MS4A3: variants seen among roughly 807,000 people sequenced by gnomAD.
The protein encoded by MS4A3 is membrane spanning 4-domains A3, also known as membrane-spanning 4-domains subfamily A member 3.
Under a neutral mutation model 24.7 loss-of-function variants are expected in MS4A3, and 18 were observed. The observed-to-expected ratio is 0.73, with a 90% CI of 0.50 to 1.08. The LOEUF (loss-of-function observed/expected upper bound fraction) is 1.08, where lower values mean the gene tolerates loss of function less well. Ranked by LOEUF, MS4A3 falls within the 50% of genes least tolerant of loss-of-function variation. The probability of loss-of-function intolerance (pLI) is 0.00; values close to 1 mark genes in which losing one functional copy is unlikely to be tolerated. For missense variants in MS4A3, 282 were observed against 251.7 expected (o/e 1.12, Z -0.82); for synonymous variants, 84 against 95.3 (o/e 0.88, Z 0.69).
Position 60,066,941 on chromosome 11 carries a change from T to A in MS4A3, c.352-10T>A, listed in dbSNP as rs1565064296. The A allele has an allele frequency of 6.4e-7, 1 of 1,572,792 alleles. No individual in the cohort carries two copies. The highest frequency in any genetic ancestry group is 8.6e-7 in the Non-Finnish European group (1 of 1,167,288). On this transcript the variant is annotated splice_polypyrimidine_tract_variant and intron_variant, in intron 4 of 6. Coordinates refer to ENST00000278865, the MANE Select transcript of MS4A3 (RefSeq NM_006138.5). ...GCATATATTAATTGAAAATTCTTAT[T>A]CTTTTTTAGATACAGAACAGTTTTG...
At chr11:60,057,261 C>G (rs1397088812) in intron 1 of MS4A3, among the ~76,000 whole-genome samples, 1 of 152,164 alleles carries the variant, frequency 6.6e-6, no homozygotes, top group East Asian at 1.9e-4. Context: ...GCAGTAGTAC[C>G]CATTCATCTG....
At position 60,068,274 on chromosome 11, in the gene MS4A3, C is replaced by T. The variant is rs1373985209; in HGVS notation, c.513+1162C>T. Among the ~76,000 whole-genome samples the T allele has an allele frequency of 3.7e-3, 463 of 125,446 alleles. 2 individuals are homozygous for T. The highest frequency in any genetic ancestry group is 0.013 in the African/African-American group (433 of 34,280). The allele number at this position is 125,446 out of a possible 152,430, so 82.3% of individuals were successfully genotyped here. The stretch of plus-strand genomic sequence containing the variant: ...TTTTTTTTTGAGACGGAGTCTTGCT[C>T]TGTCACCCAGGCTGGAGTGCAGTGG... On this transcript the variant is annotated intron_variant, in intron 5 of 6. Transcript: ENST00000278865.
intron 4 of MS4A3, among the ~76,000 whole-genome samples, chr11:60,064,794 A>G (rs940847066): frequency 1.3e-5 from 2 of 152,006 alleles, no homozygotes; most frequent in Non-Finnish European, 2.9e-5. Flanking sequence ...TCAAACACCA[A>G]TCCCACTTCT....
intron 2 of MS4A3, among the ~76,000 whole-genome samples, chr11:60,062,188 A>G (rs1343597452): frequency 6.6e-6 from 1 of 152,164 alleles, no homozygotes; most frequent in Non-Finnish European, 1.5e-5. Context: ...TACCTTACCA[A>G]TCATGTCTGT....
intron 3 of MS4A3, among the ~76,000 whole-genome samples, chr11:60,063,910 T>G (rs933030749): frequency 1.3e-5 from 2 of 152,110 alleles, no homozygotes; most frequent in African/African-American, 4.8e-5. Context: ...ACAAATTGTG[T>G]GCAGTGTATA....
intron 1 of MS4A3, among the ~76,000 whole-genome samples, chr11:60,059,204 T>A (rs1286289): frequency 0.3 from 46,314 of 151,962 alleles, 7,377 homozygotes; most frequent in South Asian, 0.54. Flanking sequence ...CTCTCACTTT[T>A]AGTCAATGCT....
chr11:60,069,386 T>A (rs1855436426), intron 5 of MS4A3, 188 bp from the exon 6 acceptor site: 1 of 453,734 alleles, frequency 2.2e-6, no homozygotes, highest in South Asian at 3.7e-5. Context: ...TTAGAGAAAA[T>A]GTTTTCATGC....
rs760334504 is a variant in MS4A3 at position 60,070,434 on chromosome 11, G to A, written c.*201G>A. 18 of 516,202 alleles carry A rather than the reference G, an allele frequency of 3.5e-5. No homozygotes were observed. The highest frequency in any genetic ancestry group is 2.8e-4 in the Middle Eastern group (1 of 3,600). The allele number at this position is 516,202 out of a possible 1,614,324, so 32.0% of individuals were successfully genotyped here. Reference sequence around the variant, plus strand: ...TAACTATAAATCCTATTTGTGTGTCGTGGGTATGGAAGGACAGATATATTT... The same window carrying A: ...TAACTATAAATCCTATTTGTGTGTCATGGGTATGGAAGGACAGATATATTT... On this transcript the variant is annotated 3_prime_UTR_variant, in exon 7 of 7. Coordinates refer to ENST00000278865, the MANE Select transcript of MS4A3 (RefSeq NM_006138.5).
intron 3 of MS4A3, among the ~76,000 whole-genome samples, chr11:60,063,206 T>A (rs1291888998): frequency 1.3e-5 from 2 of 152,136 alleles, no homozygotes; most frequent in African/African-American, 2.4e-5. Flanking sequence ...CTTAAAAAAT[T>A]GAATGAAAAA....
At chr11:60,070,020 T>C (rs780271591) in intron 6 of MS4A3, among the ~76,000 whole-genome samples, 184 bp from the exon 7 acceptor site, 1 of 152,140 alleles carries the variant, frequency 6.6e-6, no homozygotes. Flanking sequence ...AAAATGAAAA[T>C]AATATTTTCA....
chr11:60,063,983 C>T (rs1319415032), intron 3 of MS4A3, among the ~76,000 whole-genome samples: 1 of 150,964 alleles, frequency 6.6e-6, no homozygotes, highest in Admixed American at 6.6e-5. Flanking sequence ...ATCCATGTAA[C>T]CAAACACCAC....
In MS4A3 at chr11:60,061,190, G is replaced by A. The variant is rs916530750; in HGVS notation, c.30G>A (p.Glu10=). 3.1e-6 allele frequency: 5 copies of A among 1,608,210 alleles called. No individual in the cohort carries two copies. Among genetic ancestry groups the A allele is most frequent in the Non-Finnish European group, 4.2e-6 (5 of 1,178,264 alleles). ...CCTCCCACGAAGTTGATAATGCAGA[G>A]CTGGGGTCAGCCTCTGCCCATGGTA... MASHEVDNA[E]LGSASAHGTP... is the part of the protein sequence containing the mutation. Residue 10 remains glutamate (E), a synonymous_variant, in exon 2 of 7, where the codon GAG becomes GAA. Coordinates refer to ENST00000278865, the MANE Select transcript of MS4A3 (RefSeq NM_006138.5).
At chr11:60,065,490 C>T (rs1855346193) in intron 4 of MS4A3, among the ~76,000 whole-genome samples, 1 of 152,190 alleles carries the variant, frequency 6.6e-6, no homozygotes, top group Non-Finnish European at 1.5e-5. Context: ...AGCTAAACTC[C>T]TTCAAAGGAA....
intron 1 of MS4A3, among the ~76,000 whole-genome samples, chr11:60,057,414 TGTGAGA>T (rs1202340899): frequency 1.3e-5 from 2 of 151,812 alleles, no homozygotes; most frequent in Non-Finnish European, 2.9e-5. Flanking sequence ...TGTGTGTGTG[TGTGAGA>T]GAGAGACAGA....
chr11:60,064,293 CA>C lies in MS4A3; in HGVS notation c.327del (p.Ile111Ter). 1 of 1,604,360 alleles carries C rather than the reference CA, an allele frequency of 6.2e-7. No homozygotes were observed. Among genetic ancestry groups the C allele is most frequent in the South Asian group, 1.1e-5 (1 of 89,316 alleles). Reference protein sequence around the residue: ...FCSSGTLSVVAGIKPTRTWIQ... With the variant: ...FCSSGTLSVVXGIKPTRTWIQ... ...AGTTCAGGAACCTTGTCTGTTGTAGCAGGGATAAAACCCACAAGAACATGGG... is the reference window on the plus strand; with the variant it reads ...AGTTCAGGAACCTTGTCTGTTGTAGCGGGATAAAACCCACAAGAACATGGG... On this transcript the variant is annotated frameshift_variant, in exon 4 of 7. Transcript: ENST00000278865. LOFTEE classifies it high-confidence loss of function.
chr11:60,061,101 G>A (rs1590612412), intron 1 of MS4A3, 45 bp from the exon 2 acceptor site: 1 of 1,505,512 alleles, frequency 6.6e-7, no homozygotes, highest in Non-Finnish European at 8.9e-7. Context: ...GTAGCTAGTG[G>A]AAAAAGGGAA....
intron 5 of MS4A3, 30 bp downstream of exon 5, chr11:60,067,142 A>C (rs748760267): frequency 6.6e-7 from 1 of 1,517,662 alleles, no homozygotes; most frequent in Middle Eastern, 1.7e-4. Flanking sequence ...GTATAAGTAT[A>C]AAATATTTCA....
At chr11:60,060,813 T>C (rs1020123485) in intron 1 of MS4A3, 2 of 166,538 alleles carry the variant, frequency 1.2e-5, no homozygotes, top group Non-Finnish European at 2.6e-5. Flanking sequence ...AGACCACTGC[T>C]CAGAGAAACC....
intron 2 of MS4A3, chr11:60,061,699 A>G: frequency 4.4e-6 from 1 of 228,578 alleles, no homozygotes; most frequent in Non-Finnish European, 8.7e-6. Flanking sequence ...GGCTATTAGT[A>G]GTTAAGTTTT....
Sources: allele counts gnomAD v4.1 joint callset (sites outside exome capture counted in the v4.1 genomes callset), GRCh38; gene constraint gnomAD v4.1.1; transcripts MANE v1.5; gene names NCBI Gene and HGNC (gene_info 2026-07-23, HGNC 2026-07-21).